Variants in KCNQ5 observed in about 807,000 individuals in gnomAD.
The protein encoded by KCNQ5 is potassium voltage-gated channel subfamily KQT member 5.
A neutral mutation model predicts 98.2 loss-of-function variants in KCNQ5; 30 were observed. The ratio of observed to expected loss-of-function variants is 0.31; its 90% confidence interval spans 0.23 to 0.41. The LOEUF is 0.41. KCNQ5 is among the 10% of genes least tolerant of loss of function. The probability of loss-of-function intolerance (pLI) is 1.00; values close to 1 mark genes in which losing one functional copy is unlikely to be tolerated. For missense variants in KCNQ5, 835 were observed against 1,182.5 expected (o/e 0.71, Z 4.31); for synonymous variants, 458 against 449.4 (o/e 1.02, Z -0.24).
chr6:73,097,158 T>TATATATATATATATATATATAC (rs978966757), intron 5 of KCNQ5, among the ~76,000 whole-genome samples: 50 of 146,998 alleles, frequency 3.4e-4, no homozygotes, highest in East Asian at 7.9e-4. Flanking sequence ...TATATATATA[T>TATATATATATATATATATATAC]ACACACACAC....
At chr6:72,745,178 C>G (rs1771318921) in intron 1 of KCNQ5, among the ~76,000 whole-genome samples, 1 of 152,150 alleles carries the variant, frequency 6.6e-6, no homozygotes, top group Non-Finnish European at 1.5e-5. Context: ...ATTTAAAAAT[C>G]CAGCCATGAA....
At chr6:72,835,092 A>G (rs906758756) in intron 1 of KCNQ5, among the ~76,000 whole-genome samples, 2 of 152,150 alleles carry the variant, frequency 1.3e-5, no homozygotes, top group Non-Finnish European at 2.9e-5. Context: ...CAAGCAGGGT[A>G]CAACATGAAT....
chr6:73,057,479 T>C (rs1446599712), intron 3 of KCNQ5, among the ~76,000 whole-genome samples: 1 of 151,472 alleles, frequency 6.6e-6, no homozygotes, highest in Non-Finnish European at 1.5e-5. Context: ...TAAAGTATAG[T>C]AAAAAAATAA....
At chr6:72,800,097 A>G (rs549626338) in intron 1 of KCNQ5, among the ~76,000 whole-genome samples, 1 of 152,310 alleles carries the variant, frequency 6.6e-6, no homozygotes, top group South Asian at 2.1e-4. Context: ...TATAAGAGAA[A>G]GCCTACCTTT....
chr6:72,685,572 G>A (rs75541452), intron 1 of KCNQ5, among the ~76,000 whole-genome samples: 2,135 of 152,206 alleles, frequency 0.014, 32 homozygotes, highest in African/African-American at 0.042. Flanking sequence ...CACTATGGAT[G>A]TAAGTTTTTG....
intron 3 of KCNQ5, among the ~76,000 whole-genome samples, chr6:73,047,242 A>G (rs1772007476): frequency 3.3e-5 from 5 of 152,198 alleles, no homozygotes; most frequent in Admixed American, 3.3e-4. Flanking sequence ...GGCTTTATAG[A>G]ACATTAATTG....
chr6:73,010,709 T>C (rs951266688), intron 2 of KCNQ5, among the ~76,000 whole-genome samples: 3 of 150,348 alleles, frequency 2.0e-5, no homozygotes, highest in African/African-American at 4.9e-5. Context: ...AAAGTCAATA[T>C]ACAAAAATGA....
intron 3 of KCNQ5, among the ~76,000 whole-genome samples, chr6:73,057,545 G>A (rs1042743107): frequency 6.6e-6 from 1 of 151,388 alleles, no homozygotes; most frequent in Admixed American, 6.6e-5. Flanking sequence ...CAGCTAACCA[G>A]GTAGGTGAAA....
At chr6:72,918,692 A>G (rs1398596764) in intron 1 of KCNQ5, among the ~76,000 whole-genome samples, 1 of 152,088 alleles carries the variant, frequency 6.6e-6, no homozygotes, top group African/African-American at 2.4e-5. Flanking sequence ...AGGGAGATAA[A>G]TGGCAATACC....
At chr6:72,863,034 G>T (rs772145031) in intron 1 of KCNQ5, among the ~76,000 whole-genome samples, 16 of 152,096 alleles carry the variant, frequency 1.1e-4, no homozygotes, top group Non-Finnish European at 2.4e-4. Context: ...ATTTTCCAGA[G>T]AAAATAGGCT....
At chr6:73,144,728 T>A (rs1490407738) in intron 10 of KCNQ5, among the ~76,000 whole-genome samples, 1 of 152,240 alleles carries the variant, frequency 6.6e-6, no homozygotes, top group Non-Finnish European at 1.5e-5. Context: ...GTTCAGCTGC[T>A]GTGTTGGCTG....
Position 73,025,623 on chromosome 6 carries a change from CAAAAAAAAAAAAAAAAAAAA to C in KCNQ5, c.490-16296_490-16277del, listed in dbSNP as rs58607159. On this transcript the variant is annotated intron_variant, in intron 2 of 13. Coordinates refer to ENST00000370398, the MANE Select transcript of KCNQ5 (RefSeq NM_019842.4). ...GGGCGACAAGAGCAAAACTCCATCT[CAAAAAAAAAAAAAAAAAAAA>C]AAAAAAAAAAAAAAAATTCAAGTGT... 6.3e-3 allele frequency among the ~76,000 whole-genome samples: 335 copies of C among 53,022 alleles called. 9 individuals carry two copies. Among genetic ancestry groups the C allele is most frequent in the East Asian group, 0.052 (104 of 1,984 alleles). 34.8% of individuals were successfully genotyped at this position (53,022 alleles called of 152,430 possible).
chr6:72,987,412 C>G, intron 1 of KCNQ5: 1 of 703,924 alleles, frequency 1.4e-6, no homozygotes, highest in Non-Finnish European at 2.7e-6. Flanking sequence ...AGGAAGTGGA[C>G]GGGAACCTAG....
chr6:73,108,179 C>T (rs564037820), intron 6 of KCNQ5, among the ~76,000 whole-genome samples: 2 of 152,312 alleles, frequency 1.3e-5, no homozygotes, highest in Admixed American at 6.5e-5. Context: ...CCATCCAAAG[C>T]GCCACTGTGG....
intron 2 of KCNQ5, among the ~76,000 whole-genome samples, chr6:73,008,552 CAAG>C (rs918891783): frequency 2.6e-5 from 4 of 151,794 alleles, no homozygotes; most frequent in African/African-American, 9.7e-5. Flanking sequence ...TTTAATACAA[CAAG>C]AAGATGTAAT....
At chr6:73,029,729 C>G (rs1317033523) in intron 2 of KCNQ5, among the ~76,000 whole-genome samples, 1 of 151,082 alleles carries the variant, frequency 6.6e-6, no homozygotes, top group Admixed American at 6.6e-5. Context: ...GTCAGGAGAT[C>G]GAGACCATCC....
chr6:73,081,448 G>A (rs948370707), intron 5 of KCNQ5, among the ~76,000 whole-genome samples: 1 of 152,080 alleles, frequency 6.6e-6, no homozygotes, highest in Non-Finnish European at 1.5e-5. Flanking sequence ...TGTTTTGTGG[G>A]AGTGATTTTT....
intron 10 of KCNQ5, among the ~76,000 whole-genome samples, chr6:73,160,094 A>G (rs1441754326): frequency 6.6e-6 from 1 of 151,912 alleles, no homozygotes; most frequent in Non-Finnish European, 1.5e-5. Context: ...GCTCACTGCA[A>G]GCTCCGCCTC....
chr6:72,844,591 G>A (rs1259277743), intron 1 of KCNQ5, among the ~76,000 whole-genome samples: 2 of 152,034 alleles, frequency 1.3e-5, no homozygotes, highest in East Asian at 3.8e-4. Context: ...CCAAACTTAA[G>A]GATCAACTAG....
Sources: gnomAD v4.1 joint callset for allele counts (sites outside exome capture counted in the v4.1 genomes callset) on GRCh38, gnomAD v4.1.1 for gene constraint, MANE v1.5 for transcripts, NCBI Gene and HGNC (gene_info 2026-07-23, HGNC 2026-07-21) for gene names.